Variants in NAALADL2 observed in about 807,000 individuals in gnomAD.
The protein encoded by NAALADL2 is N-acetylated alpha-linked acidic dipeptidase like 2.
In NAALADL2, 76 loss-of-function variants were observed where a neutral mutation model predicts 87.2. That is an observed-to-expected ratio of 0.87 (90% CI 0.72 to 1.05). The LOEUF is 1.05. Among genes scored for constraint, NAALADL2 ranks in the 50% least tolerant of loss-of-function variants. The pLI is 0.00. For synonymous variants in NAALADL2, 354 were observed against 331.0 expected (o/e 1.07, Z -0.75); for missense variants, 1,089 against 945.8 (o/e 1.15, Z -1.99).
At chr3:175,450,074 A>T (rs146872022) in intron 6 of NAALADL2, among the ~76,000 whole-genome samples, 5 of 152,330 alleles carry the variant, frequency 3.3e-5, no homozygotes, top group African/African-American at 1.2e-4. Context: ...ATCTAAATAT[A>T]TAATTCTATG....
At chr3:175,712,322 A>G (rs758353721) in intron 11 of NAALADL2, among the ~76,000 whole-genome samples, 1 of 152,068 alleles carries the variant, frequency 6.6e-6, no homozygotes, top group Non-Finnish European at 1.5e-5. Flanking sequence ...TACACTTTCA[A>G]TCTTTCATGT....
At chr3:175,508,835 A>G (rs938641923) in intron 9 of NAALADL2, among the ~76,000 whole-genome samples, 20 of 151,902 alleles carry the variant, frequency 1.3e-4, no homozygotes, top group African/African-American at 4.6e-4. Context: ...AGATCAGAGG[A>G]CTATGCGCGA....
intron 3 of NAALADL2, among the ~76,000 whole-genome samples, chr3:174,828,167 C>CAACACAACACAACACAACACAACACA (rs1553866755): frequency 1.3e-5 from 2 of 151,576 alleles, no homozygotes; most frequent in African/African-American, 4.9e-5. Context: ...AAACCAACCA[C>CAACACAACACAACACAACACAACACA]ACACAACACA....
At chr3:175,506,732 G>A (rs1395876080) in intron 9 of NAALADL2, among the ~76,000 whole-genome samples, 3 of 152,064 alleles carry the variant, frequency 2.0e-5, no homozygotes, top group Admixed American at 2.0e-4. Flanking sequence ...TAAGCTCTTG[G>A]GCTGCTTTTA....
chr3:174,668,871 G>T (rs185323693), intron 2 of NAALADL2, among the ~76,000 whole-genome samples: 88 of 152,138 alleles, frequency 5.8e-4, no homozygotes, highest in African/African-American at 1.9e-3. Flanking sequence ...GAATAGTGCC[G>T]CAATAAACAT....
chr3:174,704,158 CCT>C (rs945990665), intron 2 of NAALADL2, among the ~76,000 whole-genome samples: 20 of 151,984 alleles, frequency 1.3e-4, no homozygotes, highest in African/African-American at 4.3e-4. Context: ...CTGTTAGTTC[CCT>C]CTCTCTCTCT....
intron 4 of NAALADL2, among the ~76,000 whole-genome samples, chr3:175,285,547 G>T (rs74412777): frequency 0.012 from 1,821 of 152,254 alleles, 35 homozygotes; most frequent in African/African-American, 0.042. Context: ...ACTCATTCAT[G>T]TGGTAGTTTG....
chr3:175,628,456 G>A (rs1727300232), intron 11 of NAALADL2, among the ~76,000 whole-genome samples: 1 of 151,242 alleles, frequency 6.6e-6, no homozygotes, highest in Admixed American at 6.6e-5. Flanking sequence ...AAATTTTACA[G>A]TATGGAGCAA....
chr3:175,118,122 G>C (rs58017504), intron 2 of NAALADL2, among the ~76,000 whole-genome samples: 91,225 of 151,098 alleles, frequency 0.6, 28,004 homozygotes, highest in African/African-American at 0.73. Context: ...TCGTAGGGTG[G>C]GGGGGAGGCC....
intron 5 of NAALADL2, among the ~76,000 whole-genome samples, chr3:175,327,919 A>G (rs1056541293): frequency 6.6e-6 from 1 of 152,220 alleles, no homozygotes; most frequent in African/African-American, 2.4e-5. Flanking sequence ...GATGCATAAT[A>G]GATGGTGATG....
chr3:174,826,573 C>A (rs1722021897), intron 3 of NAALADL2, among the ~76,000 whole-genome samples: 1 of 152,078 alleles, frequency 6.6e-6, no homozygotes, highest in South Asian at 2.1e-4. Flanking sequence ...ACCTTCAGTG[C>A]CAGAAATACT....
intron 1 of NAALADL2, among the ~76,000 whole-genome samples, chr3:174,495,185 A>G (rs1718443685): frequency 6.6e-6 from 1 of 151,400 alleles, no homozygotes; most frequent in Admixed American, 6.6e-5. Context: ...CTATTTGTAA[A>G]TTCAGAGCCA....
chr3:174,627,241 A>G (rs1393740263), intron 2 of NAALADL2, among the ~76,000 whole-genome samples: 2 of 152,222 alleles, frequency 1.3e-5, no homozygotes, highest in Non-Finnish European at 2.9e-5. Context: ...TTGTAAAGAA[A>G]GAAACCTTTA....
chr3:175,772,181 A>G lies in NAALADL2; in HGVS notation c.2189+16763A>G, dbSNP rs372263433. 1.9e-4 allele frequency among the ~76,000 whole-genome samples: 29 copies of G among 152,256 alleles called. 1 individual carries two copies. The East Asian group carries it at 3.9e-3, about 20-fold the overall frequency. ...ATCTTTGCAGTCAACATTCAGCTCA[A>G]TGCACCAGATAATACAGGGAATATG... is the stretch of plus-strand genomic sequence containing the variant. On this transcript the variant is annotated intron_variant, in intron 13 of 13. Transcript: ENST00000454872.
Position 175,443,840 on chromosome 3 carries a change from A to C in NAALADL2, c.1091-3389A>C, listed in dbSNP as rs966857618. ...TTACATAGTGATAATGTTAACTGAAAATAGCAAGCATTGCAAAAAAAAGGT... is the reference window on the plus strand; with the variant it reads ...TTACATAGTGATAATGTTAACTGAACATAGCAAGCATTGCAAAAAAAAGGT... On this transcript the variant is annotated intron_variant, in intron 5 of 13. Transcript: ENST00000454872. Among the ~76,000 whole-genome samples the C allele has an allele frequency of 3.8e-4, 32 of 83,288 alleles. 3 individuals carry two copies. Among genetic ancestry groups the C allele is most frequent in the Admixed American group, 3.3e-3 (22 of 6,658 alleles). The allele number at this position is 83,288 out of a possible 152,430, so 54.6% of individuals were successfully genotyped here. A position where few individuals can be genotyped will look rare whatever the true frequency, so the allele number is the denominator to read the frequency against.
intron 1 of NAALADL2, among the ~76,000 whole-genome samples, chr3:175,056,077 G>A (rs1376225429): frequency 6.6e-6 from 1 of 152,046 alleles, no homozygotes; most frequent in African/African-American, 2.4e-5. Context: ...GTCGCCAAAG[G>A]TGCTGCTCGA....
intron 2 of NAALADL2, among the ~76,000 whole-genome samples, chr3:174,735,394 G>A (rs1294653185): frequency 6.6e-6 from 1 of 152,132 alleles, no homozygotes; most frequent in Non-Finnish European, 1.5e-5. Flanking sequence ...AAGTAATTGA[G>A]ACTTAGAGAT....
intron 3 of NAALADL2, among the ~76,000 whole-genome samples, chr3:174,747,248 C>T (rs1014499975): frequency 6.6e-6 from 1 of 151,944 alleles, no homozygotes; most frequent in Non-Finnish European, 1.5e-5. Context: ...GCCAAACAAC[C>T]CCATCAGAAT....
chr3:174,774,405 C>G (rs1048724275), intron 3 of NAALADL2, among the ~76,000 whole-genome samples: 4 of 152,194 alleles, frequency 2.6e-5, no homozygotes, highest in Non-Finnish European at 5.9e-5. Flanking sequence ...AATCCCTTTC[C>G]TGAGGGGACC....
Sources: allele counts gnomAD v4.1 joint callset (sites outside exome capture counted in the v4.1 genomes callset), GRCh38; gene constraint gnomAD v4.1.1; transcripts MANE v1.5; gene names NCBI Gene and HGNC (gene_info 2026-07-23, HGNC 2026-07-21).